LMNB1: variants seen among roughly 807,000 people sequenced by gnomAD.
The protein encoded by LMNB1 is lamin B1.
A neutral mutation model predicts 67.1 loss-of-function variants in LMNB1; 23 were observed. The observed-to-expected ratio is 0.34, with a 90% confidence interval of 0.25 to 0.49. The LOEUF is 0.49. Among genes scored for constraint, LMNB1 ranks in the 20% least tolerant of loss-of-function variants. The pLI is 0.99. For synonymous variants in LMNB1, 281 were observed against 282.9 expected, an observed-to-expected ratio of 0.99 and a Z score of 0.07; for missense variants, 634 against 746.5, an observed-to-expected ratio of 0.85 and a Z score of 1.76.
intron 7 of LMNB1, among the ~76,000 whole-genome samples, chr5:126,821,757 C>G (rs529563066): frequency 8.2e-4 from 125 of 152,214 alleles, no homozygotes; most frequent in African/African-American, 2.8e-3. Context: ...GAGCTGGAGG[C>G]CATGATGGGT....
chr5:126,789,271 C>G (rs1001876949), intron 1 of LMNB1, among the ~76,000 whole-genome samples: 1 of 152,046 alleles, frequency 6.6e-6, no homozygotes, highest in Non-Finnish European at 1.5e-5. Context: ...GGACCAGAAC[C>G]CTTATCTCTC....
chr5:126,812,718 C>CTTTTTTTTT (rs11430160), intron 5 of LMNB1, among the ~76,000 whole-genome samples: 167 of 117,156 alleles, frequency 1.4e-3, no homozygotes, highest in Non-Finnish European at 2.0e-3. Flanking sequence ...CTTTATTTTA[C>CTTTTTTTTT]TTTTTTTTTT....
At chr5:126,821,159 T>C (rs1245310671) in intron 7 of LMNB1, 24 bp downstream of exon 7, 1 of 1,497,384 alleles carries the variant, frequency 6.7e-7, no homozygotes, top group African/African-American at 1.4e-5. Context: ...CCCTTTTTTT[T>C]CTAGCAAGGC....
chr5:126,831,560 G>C (rs1752130208), intron 9 of LMNB1, among the ~76,000 whole-genome samples: 2 of 152,182 alleles, frequency 1.3e-5, no homozygotes, highest in African/African-American at 4.8e-5. Flanking sequence ...TCTTGATTTT[G>C]TTTCATTCAA....
chr5:126,827,712 C>T (rs1752028542), intron 9 of LMNB1, among the ~76,000 whole-genome samples: 1 of 152,002 alleles, frequency 6.6e-6, no homozygotes, highest in Non-Finnish European at 1.5e-5. Context: ...CAGAATTGAG[C>T]CCTAGAAAAT....
At chr5:126,791,974 G>T (rs759992565) in intron 1 of LMNB1, among the ~76,000 whole-genome samples, 49 of 151,616 alleles carry the variant, frequency 3.2e-4, no homozygotes, top group Non-Finnish European at 6.3e-4. Context: ...GTAGAGACGG[G>T]GTTTCACCAT....
chr5:126,790,608 G>T lies in LMNB1; in HGVS notation c.359+12741G>T, dbSNP rs975364165. On this transcript the variant is annotated intron_variant, in intron 1 of 10. Coordinates refer to ENST00000261366, the MANE Select transcript of LMNB1 (RefSeq NM_005573.4). ...GTATAATTATATAGAGTCTATGCCA[G>T]TTGTTAGAACATCAAATCATTTAGG... is the stretch of plus-strand genomic sequence containing the variant. 5.9e-5 allele frequency among the ~76,000 whole-genome samples: 9 copies of T among 152,018 alleles called. No homozygotes were observed. In the South Asian group the frequency reaches 1.7e-3, roughly 28 times the overall value.
Position 126,777,515 on chromosome 5 carries a change from A to T in LMNB1, c.7A>T (p.Thr3Ser). Residue 3 changes from threonine (T) to serine (S), a missense_variant, in exon 1 of 11, where the codon ACT (threonine) becomes TCT (serine). Coordinates refer to ENST00000261366, the MANE Select transcript of LMNB1 (RefSeq NM_005573.4). MA[T>S]ATPVPPRMGS... The stretch of plus-strand genomic sequence containing the variant: ...GCTGTCTCCGCCGCCCGCCATGGCG[A>T]CTGCGACCCCCGTGCCGCCGCGGAT... 1.3e-5 allele frequency: 18 copies of T among 1,351,374 alleles called. No homozygotes were observed. Among genetic ancestry groups the T allele is most frequent in the Non-Finnish European group, 1.7e-5 (18 of 1,053,722 alleles). 83.7% of individuals were successfully genotyped at this position (1,351,374 alleles called of 1,614,324 possible).
chr5:126,824,851 C>A (rs185704979), intron 8 of LMNB1, among the ~76,000 whole-genome samples: 11 of 134,948 alleles, frequency 8.2e-5, no homozygotes, highest in South Asian at 5.8e-4. Flanking sequence ...CCCACCCCCC[C>A]ACCCTTTCTT....
At chr5:126,778,375 G>C (rs766987743) in intron 1 of LMNB1, among the ~76,000 whole-genome samples, 7 of 152,222 alleles carry the variant, frequency 4.6e-5, no homozygotes, top group African/African-American at 2.4e-5. Flanking sequence ...CGCGGGCAGA[G>C]AGAGGAAGGG....
intron 1 of LMNB1, among the ~76,000 whole-genome samples, chr5:126,787,557 T>TTTTTTTTTTTTC (rs1750840685): frequency 1.6e-5 from 2 of 127,348 alleles, no homozygotes; most frequent in Non-Finnish European, 3.4e-5. Context: ...TTTTTTTTTT[T>TTTTTTTTTTTTC]TTTTTTTGAG....
intron 5 of LMNB1, among the ~76,000 whole-genome samples, chr5:126,818,406 T>A (rs915097987): frequency 2.6e-5 from 4 of 151,832 alleles, no homozygotes; most frequent in African/African-American, 7.3e-5. Context: ...AACCTGCTAA[T>A]TTTTTTTGTA....
rs1751556023 is a variant in LMNB1 at position 126,810,499 on chromosome 5, A to G, written c.813+149A>G. 1.6e-5 allele frequency: 10 copies of G among 615,526 alleles called. No individual in the cohort carries two copies. The South Asian group carries it at 3.9e-4, about 24-fold the overall frequency. The allele number at this position is 615,526 out of a possible 1,614,324, so 38.1% of individuals were successfully genotyped here. On this transcript the variant is annotated intron_variant, in intron 4 of 10. Transcript: ENST00000261366. ...AATATATAGAAAATTGATTTTTTCA[A>G]AAAAGTGCAGTTTTCTATAAACTAA...
intron 3 of LMNB1, among the ~76,000 whole-genome samples, chr5:126,808,629 C>A (rs1751511184): frequency 6.6e-6 from 1 of 152,092 alleles, no homozygotes; most frequent in African/African-American, 2.4e-5. Context: ...TTAGCAGTCA[C>A]TCTTCAGTAT....
At chr5:126,822,011 G>A (rs888845531) in intron 7 of LMNB1, among the ~76,000 whole-genome samples, 6 of 107,224 alleles carry the variant, frequency 5.6e-5, no homozygotes, top group Non-Finnish European at 1.9e-5. Flanking sequence ...TCTCTTTGTA[G>A]CCTTTTTTTT....
intron 1 of LMNB1, among the ~76,000 whole-genome samples, chr5:126,795,164 G>A (rs537111973): frequency 2.1e-5 from 2 of 94,532 alleles, no homozygotes; most frequent in Non-Finnish European, 4.1e-5. Flanking sequence ...ATCTTGCTCT[G>A]TTGCCCAGAG....
In LMNB1 at chr5:126,836,792, A is replaced by G. The variant is rs1033754906; in HGVS notation, c.*528A>G. 2.2e-4 allele frequency: 84 copies of G among 386,226 alleles called. No individual in the cohort carries two copies. The highest frequency in any genetic ancestry group is 3.2e-4 in the Non-Finnish European group (70 of 218,936). 23.9% of individuals were successfully genotyped at this position (386,226 alleles called of 1,614,324 possible). On this transcript the variant is annotated 3_prime_UTR_variant, in exon 11 of 11. Transcript: ENST00000261366. ...AAAATAGAAATTTTGTAAGAAGGCA[A>G]TATTAACCTAATCACCATGTAAGCA...
chr5:126,785,480 C>CTTTTTTTTTTTT (rs111537827), intron 1 of LMNB1, among the ~76,000 whole-genome samples: 5 of 137,432 alleles, frequency 3.6e-5, no homozygotes, highest in Admixed American at 7.4e-5. Context: ...TTTTCTTTTT[C>CTTTTTTTTTTTT]TTTTTTTTTT....
chr5:126,821,162 A>G, intron 7 of LMNB1, 27 bp downstream of exon 7: 2 of 1,486,540 alleles, frequency 1.3e-6, no homozygotes. Context: ...TTTTTTTTCT[A>G]GCAAGGCTTT....
Sources: gnomAD v4.1 joint callset for allele counts (sites outside exome capture counted in the v4.1 genomes callset) on GRCh38, gnomAD v4.1.1 for gene constraint, MANE v1.5 for transcripts, NCBI Gene and HGNC (gene_info 2026-07-23, HGNC 2026-07-21) for gene names.